STAB2: variants seen among roughly 807,000 people sequenced by gnomAD.
STAB2 encodes stabilin 2, also known as stabilin-2.
STAB2 carries 288 observed loss-of-function variants against 338.1 expected under a neutral mutation model. The observed-to-expected ratio is 0.85, with a 90% confidence interval of 0.77 to 0.94. The LOEUF (loss-of-function observed/expected upper bound fraction) is 0.94. Ranked by LOEUF, STAB2 falls within the 40% of genes least tolerant of loss-of-function variation. The pLI is 0.00. For synonymous variants in STAB2, 1,202 were observed against 1,193.3 expected (o/e 1.01, Z -0.15); for missense variants, 3,141 against 3,210.1 (o/e 0.98, Z 0.52).
At chr12:103,621,527 G>A (rs1284445588) in intron 4 of STAB2, among the ~76,000 whole-genome samples, 2 of 152,172 alleles carry the variant, frequency 1.3e-5, no homozygotes, top group Admixed American at 1.3e-4. Flanking sequence ...GAGGCCAGGA[G>A]TTCGAGACCA....
At chr12:103,714,508 G>A (rs950851044) in intron 42 of STAB2, among the ~76,000 whole-genome samples, 1 of 152,106 alleles carries the variant, frequency 6.6e-6, no homozygotes, top group African/African-American at 2.4e-5. Context: ...GACAAGCCTG[G>A]CCAACATGGT....
At chr12:103,738,268 A>G (rs1263898128) in intron 53 of STAB2, among the ~76,000 whole-genome samples, 1 of 152,170 alleles carries the variant, frequency 6.6e-6, no homozygotes, top group Non-Finnish European at 1.5e-5. Flanking sequence ...TGATTCATTC[A>G]TTTGACAATA....
intron 45 of STAB2, among the ~76,000 whole-genome samples, chr12:103,725,735 G>A (rs1266535595): frequency 4.6e-5 from 7 of 152,200 alleles, no homozygotes; most frequent in Non-Finnish European, 1.0e-4. Context: ...TAAAGTAAAT[G>A]TTCAGTTATT....
chr12:103,670,924 A>C, intron 22 of STAB2, 117 bp downstream of exon 22: 1 of 744,596 alleles, frequency 1.3e-6, no homozygotes, highest in Non-Finnish European at 2.3e-6. Context: ...TTACACCATC[A>C]TCACAGAGCA....
rs1880786593 is a variant in STAB2, at chr12:103,721,752, C to T, written c.4684-3223C>T. 2.0e-5 allele frequency among the ~76,000 whole-genome samples: 3 copies of T among 152,132 alleles called. 1 individual carries two copies. In the South Asian group the frequency reaches 6.2e-4, roughly 32 times the overall value. ...TGCCTATAATCCCAGCACTTTGGGG[C>T]ACTGAGGCAGGAAGTTCACTTGAGC... is the stretch of plus-strand genomic sequence containing the variant. On this transcript the variant is annotated intron_variant, in intron 44 of 68. Transcript: ENST00000388887.
chr12:103,696,430 G>A (rs1366324542), intron 33 of STAB2, among the ~76,000 whole-genome samples: 5 of 152,032 alleles, frequency 3.3e-5, no homozygotes, highest in Non-Finnish European at 2.9e-5. Context: ...GGTGGCCCTG[G>A]GCCCTTCCCG....
At chr12:103,677,414 G>A in intron 24 of STAB2, 39 bp from the exon 25 acceptor site, 1 of 1,579,966 alleles carries the variant, frequency 6.3e-7, no homozygotes, top group Admixed American at 1.7e-5. Context: ...TGGCTGGACT[G>A]AGGATTCAGA....
At chr12:103,593,172 G>T (rs141039008) in intron 2 of STAB2, among the ~76,000 whole-genome samples, 1,978 of 152,136 alleles carry the variant, frequency 0.013, 25 homozygotes, top group Non-Finnish European at 0.022. Context: ...AATTTTTTTG[G>T]ATATATAACC....
chr12:103,664,848 A>C (rs1039110687), intron 18 of STAB2, among the ~76,000 whole-genome samples: 2 of 152,236 alleles, frequency 1.3e-5, no homozygotes, highest in Non-Finnish European at 2.9e-5. Context: ...ATTTGATTCC[A>C]TGCTGAGAAC....
intron 65 of STAB2, 84 bp from the exon 66 acceptor site, chr12:103,761,216 C>T: frequency 1.5e-6 from 2 of 1,308,374 alleles, no homozygotes; most frequent in Non-Finnish European, 2.2e-6. Context: ...GCTCAGGGGC[C>T]TTGGGAAAAT....
intron 9 of STAB2, among the ~76,000 whole-genome samples, chr12:103,640,981 G>A (rs567515848): frequency 3.9e-5 from 6 of 152,188 alleles, no homozygotes; most frequent in Non-Finnish European, 7.4e-5. Context: ...GTTTTCATTA[G>A]TGACTGACCT....
chr12:103,661,024 G>A (rs1321809819), intron 17 of STAB2, among the ~76,000 whole-genome samples: 5 of 152,056 alleles, frequency 3.3e-5, no homozygotes, highest in Non-Finnish European at 7.4e-5. Context: ...TAACTCACTG[G>A]GCAATGAGTT....
chr12:103,634,925 A>C (rs1264699635), intron 6 of STAB2, among the ~76,000 whole-genome samples: 1 of 152,254 alleles, frequency 6.6e-6, no homozygotes, highest in Non-Finnish European at 1.5e-5. Context: ...AGAGTGAACT[A>C]GTCACGTGAT....
At chr12:103,707,885 AT>A (rs1459484651) in intron 38 of STAB2, among the ~76,000 whole-genome samples, 1 of 152,180 alleles carries the variant, frequency 6.6e-6, no homozygotes, top group African/African-American at 2.4e-5. Context: ...ATCTGCTTGC[AT>A]TTGTGCATGA....
intron 44 of STAB2, among the ~76,000 whole-genome samples, chr12:103,722,117 T>C (rs749126757): frequency 6.6e-6 from 1 of 152,022 alleles, no homozygotes; most frequent in African/African-American, 2.4e-5. Flanking sequence ...GGCACACAGA[T>C]GGTATTTAAA....
At chr12:103,633,476 A>G (rs1205687749) in intron 6 of STAB2, among the ~76,000 whole-genome samples, 1 of 152,228 alleles carries the variant, frequency 6.6e-6, no homozygotes, top group Non-Finnish European at 1.5e-5. Context: ...TGAGGTCAGG[A>G]GTTCAAGACC....
Position 103,695,594 on chromosome 12 carries a change from G to T in STAB2, c.3420G>T (p.Leu1140=), listed in dbSNP as rs1878326753. Residue 1140 remains leucine (L), a synonymous_variant, in exon 32 of 69, where the codon CTG becomes CTT. Transcript: ENST00000388887. ...QRRLTGSLPN[L]LMRLEQMPDY... ...GTCTAACTGGCTCCTTACCAAACCT[G>T]CTCATGCGGCTGGAACAGATGCCTG... 6.2e-7 allele frequency: 1 copy of T among 1,614,042 alleles called. No individual in the cohort carries two copies. Among genetic ancestry groups the T allele is most frequent in the Admixed American group, 1.7e-5 (1 of 59,996 alleles).
chr12:103,614,479 A>G (rs578007844), intron 3 of STAB2, among the ~76,000 whole-genome samples: 3 of 152,362 alleles, frequency 2.0e-5, no homozygotes, highest in Admixed American at 6.5e-5. Context: ...ACTGCTGATT[A>G]GTCAAAGTGG....
At chr12:103,612,647 C>T (rs1593140352) in intron 3 of STAB2, among the ~76,000 whole-genome samples, 1 of 152,162 alleles carries the variant, frequency 6.6e-6, no homozygotes, top group Admixed American at 6.6e-5. Flanking sequence ...TCCTTTAGCT[C>T]GGAGAAGTTT....
Sources: allele counts gnomAD v4.1 joint callset (sites outside exome capture counted in the v4.1 genomes callset), GRCh38; gene constraint gnomAD v4.1.1; transcripts MANE v1.5; gene names NCBI Gene and HGNC (gene_info 2026-07-23, HGNC 2026-07-21).